The following PDK1 variants were observed in gnomAD, a reference collection of about 807,000 sequenced individuals.
PDK1 encodes pyruvate dehydrogenase kinase 1.
Under a neutral mutation model 54.2 loss-of-function variants are expected in PDK1, and 39 were observed. That is an observed-to-expected ratio of 0.72 (90% CI 0.56 to 0.94). The LOEUF (loss-of-function observed/expected upper bound fraction) is 0.94. Ranked by LOEUF, PDK1 falls within the 40% of genes least tolerant of loss-of-function variation. The pLI is 0.00. For synonymous variants in PDK1, 221 were observed against 207.1 expected (o/e 1.07, Z -0.58); for missense variants, 552 against 566.0 (o/e 0.98, Z 0.25).
chr2:172,696,504 A>T, the PDK1 span, among the ~76,000 whole-genome samples: 1 of 152,234 alleles, frequency 6.6e-6, no homozygotes, highest in African/African-American at 2.4e-5. Flanking sequence ...CATCTTTGAC[A>T]GTGGGCCATT....
chr2:172,613,231 G>A (rs895452056), downstream of PDK1, among the ~76,000 whole-genome samples: 1 of 152,192 alleles, frequency 6.6e-6, no homozygotes, highest in African/African-American at 2.4e-5. Flanking sequence ...GCCCTGCTCA[G>A]TCATTGGCAG....
the PDK1 span, among the ~76,000 whole-genome samples, chr2:172,667,972 T>C: frequency 6.6e-6 from 1 of 152,242 alleles, no homozygotes; most frequent in Non-Finnish European, 1.5e-5. Flanking sequence ...CAAAAGTCTA[T>C]GCAGCTGCTC....
At chr2:172,705,318 T>A in the PDK1 span, among the ~76,000 whole-genome samples, 4 of 152,372 alleles carry the variant, frequency 2.6e-5, no homozygotes, top group South Asian at 6.2e-4. Flanking sequence ...TTCCTATAGA[T>A]TGATCTTCTT....
At chr2:172,562,880 A>G (rs1688731938) in intron 3 of PDK1, 1 of 1,316,684 alleles carries the variant, frequency 7.6e-7, no homozygotes, top group African/African-American at 1.4e-5. Flanking sequence ...CTACCTGCTT[A>G]TTGCAGTGAA....
At chr2:172,712,463 G>C in the PDK1 span, among the ~76,000 whole-genome samples, 2 of 152,212 alleles carry the variant, frequency 1.3e-5, no homozygotes, top group African/African-American at 2.4e-5. Flanking sequence ...CTAGGCACAG[G>C]GCGGTGAGGG....
At chr2:172,640,698 T>C in the PDK1 span, among the ~76,000 whole-genome samples, 1 of 152,132 alleles carries the variant, frequency 6.6e-6, no homozygotes, top group Non-Finnish European at 1.5e-5. Flanking sequence ...GTAACCTGCT[T>C]TTGTTAGAGG....
chr2:172,634,125 G>A, the PDK1 span, among the ~76,000 whole-genome samples: 5 of 151,178 alleles, frequency 3.3e-5, no homozygotes, highest in Admixed American at 6.6e-5. Context: ...TCATCTGCCC[G>A]CCTCAGCCTC....
chr2:172,634,165 G>T, the PDK1 span, among the ~76,000 whole-genome samples: 1 of 146,188 alleles, frequency 6.8e-6, no homozygotes, highest in Non-Finnish European at 1.5e-5. Context: ...GGCGTGAGCC[G>T]ATGCGCCTGG....
At chr2:172,713,084 A>G in the PDK1 span, among the ~76,000 whole-genome samples, 2 of 152,024 alleles carry the variant, frequency 1.3e-5, no homozygotes, top group African/African-American at 4.8e-5. Flanking sequence ...AGTGGAGAGG[A>G]GACCTGGAGT....
At chr2:172,695,335 T>C in the PDK1 span, among the ~76,000 whole-genome samples, 1 of 152,140 alleles carries the variant, frequency 6.6e-6, no homozygotes, top group African/African-American at 2.4e-5. Context: ...AAGACTTAAC[T>C]CATATGTTGA....
chr2:172,644,800 T>C, the PDK1 span, among the ~76,000 whole-genome samples: 1 of 152,238 alleles, frequency 6.6e-6, no homozygotes, highest in South Asian at 2.1e-4. Context: ...TCCATACTTA[T>C]TACACATAAG....
chr2:172,592,996 T>C lies in PDK1; in HGVS notation c.1118T>C (p.Leu373Pro). 1.2e-6 allele frequency: 2 copies of C among 1,611,530 alleles called. No homozygotes were observed. The highest frequency in any genetic ancestry group is 1.1e-5 in the South Asian group (1 of 91,024). ...RLYAQYFQGD[L>P]KLYSLEGYGT... ...TACGCACAATACTTCCAAGGAGACCTGAAGCTGTATTCCCTAGAGGGTTAC... is the reference window on the plus strand; with the variant it reads ...TACGCACAATACTTCCAAGGAGACCCGAAGCTGTATTCCCTAGAGGGTTAC... Residue 373 changes from leucine (L) to proline (P), a missense_variant, in exon 10 of 11, where the codon CTG becomes CCG. By Grantham distance (98) the Leu-to-Pro change is moderately conservative (BLOSUM62 -3). Transcript: ENST00000282077.
intron 9 of PDK1, among the ~76,000 whole-genome samples, chr2:172,590,675 T>G (rs1690518283): frequency 6.6e-6 from 1 of 152,154 alleles, no homozygotes; most frequent in Non-Finnish European, 1.5e-5. Context: ...AGAACAAAGT[T>G]TCCGCAGTGT....
the PDK1 span, among the ~76,000 whole-genome samples, chr2:172,670,941 T>C: frequency 6.6e-6 from 1 of 152,118 alleles, no homozygotes. Flanking sequence ...GTTATACTTC[T>C]TACATTGCCT....
the PDK1 span, among the ~76,000 whole-genome samples, chr2:172,632,392 G>A: frequency 1.3e-5 from 2 of 152,288 alleles, no homozygotes; most frequent in East Asian, 3.9e-4. Context: ...TGCAAATACA[G>A]TGTATTACTC....
the PDK1 span, among the ~76,000 whole-genome samples, chr2:172,679,463 CA>C: frequency 6.6e-6 from 1 of 152,052 alleles, no homozygotes; most frequent in Non-Finnish European, 1.5e-5. Context: ...ACAACAACAA[CA>C]ACAAAAGAAT....
the PDK1 span, among the ~76,000 whole-genome samples, chr2:172,672,258 A>G: frequency 1.3e-5 from 2 of 152,304 alleles, no homozygotes; most frequent in East Asian, 3.9e-4. Flanking sequence ...AGCATCATAC[A>G]TCAGAACAAA....
chr2:172,689,329 A>G, the PDK1 span, among the ~76,000 whole-genome samples: 1 of 152,310 alleles, frequency 6.6e-6, no homozygotes, highest in African/African-American at 2.4e-5. Flanking sequence ...ACTACAAACC[A>G]CTGCTCAAGG....
At chr2:172,622,866 AAT>A in the PDK1 span, among the ~76,000 whole-genome samples, 5 of 147,204 alleles carry the variant, frequency 3.4e-5, no homozygotes, top group South Asian at 1.0e-3. Flanking sequence ...TATGTAATAT[AAT>A]ATGATATATG....
Sources: allele counts gnomAD v4.1 joint callset (sites outside exome capture counted in the v4.1 genomes callset), GRCh38; gene constraint gnomAD v4.1.1; transcripts MANE v1.5; gene names NCBI Gene and HGNC (gene_info 2026-07-23, HGNC 2026-07-21).